The following ARHGAP24 variants were observed in gnomAD, a reference collection of about 807,000 sequenced individuals.
ARHGAP24 encodes rho GTPase-activating protein 24.
ARHGAP24 carries 50 observed loss-of-function variants against 76.4 expected under a neutral mutation model. The observed-to-expected ratio is 0.65, with a 90% CI of 0.52 to 0.83. ARHGAP24 has a LOEUF of 0.83. ARHGAP24 is among the 40% of genes least tolerant of loss of function. The pLI is 0.00. For missense variants in ARHGAP24, 930 were observed against 914.2 expected (o/e 1.02, Z -0.22); for synonymous variants, 345 against 323.3 (o/e 1.07, Z -0.72).
intron 5 of ARHGAP24, among the ~76,000 whole-genome samples, chr4:85,957,569 T>C (rs528333433): frequency 6.6e-6 from 1 of 152,358 alleles, no homozygotes; most frequent in South Asian, 2.1e-4. Flanking sequence ...TTAAGTTATT[T>C]GAAGTCAATA....
At chr4:85,697,136 T>C (rs1730467593) in intron 2 of ARHGAP24, among the ~76,000 whole-genome samples, 2 of 152,244 alleles carry the variant, frequency 1.3e-5, no homozygotes, top group Non-Finnish European at 2.9e-5. Flanking sequence ...ATTAGTCAAC[T>C]GGCATGCATT....
intron 1 of ARHGAP24, among the ~76,000 whole-genome samples, chr4:85,502,991 G>C (rs148434981): frequency 6.6e-6 from 1 of 152,040 alleles, no homozygotes; most frequent in Non-Finnish European, 1.5e-5. Flanking sequence ...GGTTTTTGTC[G>C]TAGGTTCTGT....
chr4:85,988,367 A>G (rs895050864), intron 8 of ARHGAP24, among the ~76,000 whole-genome samples: 1 of 151,886 alleles, frequency 6.6e-6, no homozygotes, highest in Non-Finnish European at 1.5e-5. Context: ...TGGCATACAT[A>G]ATACATACAG....
At chr4:85,742,324 G>A (rs1437197474) in intron 3 of ARHGAP24, among the ~76,000 whole-genome samples, 1 of 152,118 alleles carries the variant, frequency 6.6e-6, no homozygotes. Context: ...AAATGAGGGA[G>A]GACAGAAGAG....
intron 3 of ARHGAP24, among the ~76,000 whole-genome samples, chr4:85,741,079 A>G (rs1725805336): frequency 6.6e-6 from 1 of 152,232 alleles, no homozygotes; most frequent in African/African-American, 2.4e-5. Flanking sequence ...GTCACCAGCC[A>G]GTGAAATAGC....
chr4:85,571,032 C>T, intron 2 of ARHGAP24: 2 of 242,188 alleles, frequency 8.3e-6, no homozygotes, highest in Non-Finnish European at 1.6e-5. Flanking sequence ...AAAGATATAT[C>T]ATAGCCAAAA....
chr4:85,479,081 T>G (rs563137467), intron 1 of ARHGAP24, among the ~76,000 whole-genome samples: 1 of 152,216 alleles, frequency 6.6e-6, no homozygotes, highest in East Asian at 1.9e-4. Flanking sequence ...AATGAAATAC[T>G]GGTGCACTCC....
intron 2 of ARHGAP24, among the ~76,000 whole-genome samples, chr4:85,575,076 T>C (rs1727317012): frequency 6.6e-6 from 1 of 152,188 alleles, no homozygotes; most frequent in Non-Finnish European, 1.5e-5. Context: ...TCTCATAATA[T>C]AGCTATTTAA....
At chr4:85,478,582 C>G (rs1722692217) in intron 1 of ARHGAP24, among the ~76,000 whole-genome samples, 1 of 152,210 alleles carries the variant, frequency 6.6e-6, no homozygotes, top group African/African-American at 2.4e-5. Context: ...CTGTGTAAGT[C>G]TCTTTATCTA....
rs116750659 is a variant in ARHGAP24 at position 85,812,899 on chromosome 4, C to T, written c.268+90927C>T. 7.0e-4 allele frequency among the ~76,000 whole-genome samples: 106 copies of T among 152,274 alleles called. 1 individual carries two copies. Among genetic ancestry groups the T allele is most frequent in the African/African-American group, 2.4e-3 (100 of 41,566 alleles). On this transcript the variant is annotated intron_variant, in intron 3 of 9. Transcript: ENST00000395184. ...CCAGGGTCACCTGCCTCAATTACAC[C>T]GTGACCCCATTTCTTCCTCAGTGTG...
intron 3 of ARHGAP24, among the ~76,000 whole-genome samples, chr4:85,755,092 G>A (rs1726423488): frequency 6.6e-6 from 1 of 152,294 alleles, no homozygotes; most frequent in South Asian, 2.1e-4. Context: ...GGCCCTGAAA[G>A]AAATAAGTGA....
At chr4:85,965,739 G>A (rs113891628) in intron 5 of ARHGAP24, among the ~76,000 whole-genome samples, 1 of 152,180 alleles carries the variant, frequency 6.6e-6, no homozygotes. Flanking sequence ...GCAATTATTA[G>A]AAAAAGTTTT....
intron 2 of ARHGAP24, among the ~76,000 whole-genome samples, chr4:85,602,460 T>C (rs1325093313): frequency 6.6e-6 from 1 of 152,194 alleles, no homozygotes; most frequent in East Asian, 1.9e-4. Context: ...AGCATAATTC[T>C]GTTTTTGGGA....
intron 2 of ARHGAP24, among the ~76,000 whole-genome samples, chr4:85,715,480 A>G (rs1724698618): frequency 1.3e-5 from 2 of 152,084 alleles, no homozygotes; most frequent in South Asian, 4.1e-4. Context: ...CAATGATGCC[A>G]TGAAGTAGGA....
intron 3 of ARHGAP24, among the ~76,000 whole-genome samples, chr4:85,756,660 T>G (rs1053765080): frequency 1.3e-5 from 2 of 152,192 alleles, no homozygotes; most frequent in Non-Finnish European, 2.9e-5. Context: ...CTTGATACTG[T>G]TCAGAGAAAA....
chr4:85,645,163 C>T (rs1196042675), intron 2 of ARHGAP24, among the ~76,000 whole-genome samples: 5 of 152,128 alleles, frequency 3.3e-5, no homozygotes, highest in South Asian at 2.1e-4. Flanking sequence ...ATAAAAATTC[C>T]AGACAGTTTA....
intron 2 of ARHGAP24, among the ~76,000 whole-genome samples, chr4:85,704,479 A>C (rs1257223850): frequency 6.6e-6 from 1 of 152,162 alleles, no homozygotes; most frequent in Admixed American, 6.6e-5. Flanking sequence ...ATAAGAAAAA[A>C]TATGGTAGTG....
At chr4:85,851,913 G>A (rs1263871105) in intron 3 of ARHGAP24, among the ~76,000 whole-genome samples, 4 of 152,102 alleles carry the variant, frequency 2.6e-5, no homozygotes, top group Non-Finnish European at 5.9e-5. Context: ...TGGTGAATCT[G>A]ACAATTATGT....
chr4:85,705,853 A>G (rs80072105), intron 2 of ARHGAP24, among the ~76,000 whole-genome samples: 5,818 of 152,264 alleles, frequency 0.038, 119 homozygotes, highest in African/African-American at 0.061. Flanking sequence ...TATAGTGACA[A>G]ATAAGCATAG....
Sources: allele counts gnomAD v4.1 joint callset (sites outside exome capture counted in the v4.1 genomes callset), GRCh38; gene constraint gnomAD v4.1.1; transcripts MANE v1.5; gene names NCBI Gene and HGNC (gene_info 2026-07-23, HGNC 2026-07-21).